The following TFDP2 variants were observed in gnomAD, a reference collection of about 807,000 sequenced individuals.
TFDP2 encodes the protein transcription factor Dp-2 (E2F dimerization partner 2).
TFDP2 carries 17 observed loss-of-function variants against 59.3 expected under a neutral mutation model. The ratio of observed to expected loss-of-function variants is 0.29; its 90% CI spans 0.20 to 0.43. The LOEUF is 0.43. TFDP2 is among the 20% of genes least tolerant of loss of function. The pLI, the probability that TFDP2 is intolerant of heterozygous loss-of-function variation, is 1.00. For synonymous variants in TFDP2, 180 were observed against 194.7 expected (o/e 0.92, Z 0.63); for missense variants, 391 against 528.8 (o/e 0.74, Z 2.56).
chr3:142,018,932 T>TTTG (rs1405299444), intron 3 of TFDP2, among the ~76,000 whole-genome samples: 1 of 150,486 alleles, frequency 6.6e-6, no homozygotes, highest in Non-Finnish European at 1.5e-5. Flanking sequence ...TTGGTGAGTT[T>TTTG]TTTTTTTTTT....
At chr3:142,006,422 T>A (rs1037105914) in intron 3 of TFDP2, among the ~76,000 whole-genome samples, 2 of 151,730 alleles carry the variant, frequency 1.3e-5, no homozygotes, top group African/African-American at 2.4e-5. Flanking sequence ...CTTCCTCAGA[T>A]GACCCCCATC....
Position 141,969,936 on chromosome 3 carries a change from T to C in TFDP2, c.732+137A>G, listed in dbSNP as rs1939457336. ...GCAGAGCACGTGGATGGCAACAAGC[T>C]AGGAGGTGAGAGAGGCTGCCCTGGC... On this transcript the variant is annotated intron_variant, in intron 9 of 12. Transcript: ENST00000489671. 3.8e-6 allele frequency: 3 copies of C among 790,208 alleles called. No homozygotes were observed. In the South Asian group the frequency reaches 4.5e-5, roughly 12 times the overall value. The allele number at this position is 790,208 out of a possible 1,614,324, so 48.9% of individuals were successfully genotyped here.
At chr3:142,009,008 TC>T (rs1169682552) in intron 3 of TFDP2, among the ~76,000 whole-genome samples, 3 of 152,152 alleles carry the variant, frequency 2.0e-5, no homozygotes, top group Non-Finnish European at 4.4e-5. Flanking sequence ...TGCATCTCCT[TC>T]TTGTTAAAAG....
At chr3:142,058,814 TA>T in intron 3 of TFDP2, among the ~76,000 whole-genome samples, 1 of 152,152 alleles carries the variant, frequency 6.6e-6, no homozygotes, top group Non-Finnish European at 1.5e-5. Context: ...TGGGGTTTTA[TA>T]GAGGTTTCCT....
chr3:142,087,934 A>G (rs769196534), intron 3 of TFDP2, among the ~76,000 whole-genome samples: 9 of 152,180 alleles, frequency 5.9e-5, no homozygotes, highest in Non-Finnish European at 1.2e-4. Context: ...TCCTCAGTGC[A>G]TTCTTCTCTG....
intron 1 of TFDP2, among the ~76,000 whole-genome samples, chr3:142,105,465 C>A (rs979515345): frequency 1.3e-5 from 2 of 152,016 alleles, no homozygotes; most frequent in African/African-American, 4.8e-5. Flanking sequence ...TTTTCCCCAC[C>A]CTTTGTGTTT....
chr3:142,141,518 T>C (rs2062964087), intron 1 of TFDP2, among the ~76,000 whole-genome samples: 1 of 152,222 alleles, frequency 6.6e-6, no homozygotes, highest in Admixed American at 6.5e-5. Flanking sequence ...ATCTATTTAA[T>C]TTCTTTTAAA....
chr3:142,021,029 C>T (rs989095678), intron 3 of TFDP2, among the ~76,000 whole-genome samples: 54 of 152,142 alleles, frequency 3.5e-4, no homozygotes, highest in African/African-American at 1.3e-3. Context: ...ACTAGTATTA[C>T]CTACCTGCAC....
chr3:142,129,373 A>C (rs1242747001), intron 1 of TFDP2, among the ~76,000 whole-genome samples: 1 of 152,116 alleles, frequency 6.6e-6, no homozygotes, highest in Non-Finnish European at 1.5e-5. Context: ...TCCTAGACAC[A>C]GCAAAACATT....
chr3:142,118,551 G>A (rs2061925629), intron 1 of TFDP2, among the ~76,000 whole-genome samples: 1 of 152,044 alleles, frequency 6.6e-6, no homozygotes, highest in Non-Finnish European at 1.5e-5. Flanking sequence ...GCTGATTAAA[G>A]AAATAGAAAG....
chr3:141,969,128 A>ATAT (rs1194533233), intron 9 of TFDP2, among the ~76,000 whole-genome samples: 2 of 77,166 alleles, frequency 2.6e-5, no homozygotes, highest in Non-Finnish European at 4.5e-5. Context: ...ATATATATAT[A>ATAT]ACATATATAT....
At position 142,077,369 on chromosome 3, in the gene TFDP2, C is replaced by T. The variant is rs996047449; in HGVS notation, c.82+15692G>A. ...ACAGGGGTGGCTAAGGGAGTGCTTG[C>T]GCCACCCCATCCCAACATCAGGCTG... On this transcript the variant is annotated intron_variant, in intron 3 of 12. Transcript: ENST00000489671. Among the ~76,000 whole-genome samples, 6 of 152,240 alleles carry T rather than the reference C, an allele frequency of 3.9e-5. No individual in the cohort carries two copies. In the South Asian group the frequency reaches 8.3e-4, roughly 21 times the overall value.
At chr3:142,137,831 T>C (rs2062792608) in intron 1 of TFDP2, among the ~76,000 whole-genome samples, 1 of 152,188 alleles carries the variant, frequency 6.6e-6, no homozygotes, top group Non-Finnish European at 1.5e-5. Context: ...GATATTGGTA[T>C]AAAATTCTCT....
intron 3 of TFDP2, among the ~76,000 whole-genome samples, chr3:142,056,835 C>A (rs571451545): frequency 6.6e-6 from 1 of 152,286 alleles, no homozygotes; most frequent in African/African-American, 2.4e-5. Context: ...CAGCCCTAGT[C>A]CAGCCTGCAG....
At chr3:142,066,311 G>T (rs1281302190) in intron 3 of TFDP2, among the ~76,000 whole-genome samples, 1 of 152,188 alleles carries the variant, frequency 6.6e-6, no homozygotes, top group East Asian at 1.9e-4. Flanking sequence ...TGCTATGAAG[G>T]TAAGTATGAT....
At chr3:141,991,702 T>C (rs764667121) in intron 6 of TFDP2, among the ~76,000 whole-genome samples, 6 of 152,048 alleles carry the variant, frequency 3.9e-5, no homozygotes, top group East Asian at 3.9e-4. Flanking sequence ...TGAGCCAAGA[T>C]TGCGCTACTG....
intron 1 of TFDP2, among the ~76,000 whole-genome samples, chr3:142,138,693 T>C (rs150738732): frequency 6.6e-6 from 1 of 152,362 alleles, no homozygotes; most frequent in African/African-American, 2.4e-5. Flanking sequence ...GTGAGTTTCT[T>C]AATCCTGAGT....
chr3:142,149,156 G>GGCCCGC, intron 1 of TFDP2, 27 bp downstream of exon 1: 1 of 397,838 alleles, frequency 2.5e-6, no homozygotes, highest in South Asian at 1.3e-4. Flanking sequence ...TCCGCGCGCG[G>GGCCCGC]GCCCGCGCCC....
intron 8 of TFDP2, 21 bp downstream of exon 8, chr3:141,974,027 T>TA: frequency 6.2e-7 from 1 of 1,605,030 alleles, no homozygotes; most frequent in Middle Eastern, 1.7e-4. Flanking sequence ...CAGCTATTCA[T>TA]AAACAGATTT....
Sources: allele counts gnomAD v4.1 joint callset (sites outside exome capture counted in the v4.1 genomes callset), GRCh38; gene constraint gnomAD v4.1.1; transcripts MANE v1.5; gene names NCBI Gene and HGNC (gene_info 2026-07-23, HGNC 2026-07-21).